PEMT: variants seen among roughly 807,000 people sequenced by gnomAD.
PEMT encodes phospholipid methyltransferase.
A neutral mutation model predicts 27.4 loss-of-function variants in PEMT; 23 were observed. The ratio of observed to expected loss-of-function variants is 0.84; its 90% CI spans 0.60 to 1.19. The LOEUF is 1.19. Among genes scored for constraint, PEMT ranks in the 50% most tolerant of loss-of-function variants. The pLI is 0.00. For synonymous variants in PEMT, 137 were observed against 139.1 expected (o/e 0.98, Z 0.11); for missense variants, 307 against 310.1 (o/e 0.99, Z 0.07).
At chr17:17,577,052 C>T in intron 1 of PEMT, 25 bp from the exon 2 acceptor site, 2 of 1,566,292 alleles carry the variant, frequency 1.3e-6, no homozygotes, top group South Asian at 2.2e-5. Context: ...CTAGCATCAG[C>T]ACCACCCAGA....
At chr17:17,586,274 A>G (rs1307288418) in intron 1 of PEMT, among the ~76,000 whole-genome samples, 2 of 115,412 alleles carry the variant, frequency 1.7e-5, no homozygotes, top group African/African-American at 8.7e-5. Flanking sequence ...GAAAGAAAGA[A>G]AGAAAGAAAG....
At chr17:17,577,612 G>T in intron 1 of PEMT, 1 of 631,908 alleles carries the variant, frequency 1.6e-6, no homozygotes, top group Non-Finnish European at 2.0e-6. Context: ...CATCTTGCAT[G>T]AAAACGTCAG....
chr17:17,519,414 A>T (rs1283514800), intron 3 of PEMT, among the ~76,000 whole-genome samples: 1 of 152,246 alleles, frequency 6.6e-6, no homozygotes, highest in Admixed American at 6.5e-5. Context: ...AGGTGAGGCC[A>T]ACGCTGATAT....
At chr17:17,530,899 C>T (rs972968265) in intron 2 of PEMT, among the ~76,000 whole-genome samples, 26 of 151,872 alleles carry the variant, frequency 1.7e-4, no homozygotes, top group Non-Finnish European at 8.8e-5. Flanking sequence ...AAAAATTGGC[C>T]GGGCGTAACG....
rs113002679 is a variant in PEMT, at chr17:17,579,383, G to A, written c.97-2356C>T. On this transcript the variant is annotated intron_variant, in intron 1 of 6. Coordinates refer to ENST00000255389, the MANE Select transcript of PEMT (RefSeq NM_148172.3). ...GGGCCAAGGGCAGGGCTAAGCAGAT[G>A]TTAAATGCTCTAGGCCGGGCGTGGT... is the stretch of plus-strand genomic sequence containing the variant. Among the ~76,000 whole-genome samples, 307 of 152,336 alleles carry A rather than the reference G, an allele frequency of 2.0e-3. 1 individual carries two copies. Among genetic ancestry groups the A allele is most frequent in the Middle Eastern group, 6.8e-3 (2 of 294 alleles).
At chr17:17,556,365 T>G (rs1273030226) in intron 2 of PEMT, among the ~76,000 whole-genome samples, 1 of 141,096 alleles carries the variant, frequency 7.1e-6, no homozygotes, top group Admixed American at 7.2e-5. Context: ...TCCTTCCTGC[T>G]CTCTCTCTCT....
At chr17:17,576,144 A>G (rs1364047517) in intron 2 of PEMT, among the ~76,000 whole-genome samples, 2 of 151,660 alleles carry the variant, frequency 1.3e-5, no homozygotes, top group Non-Finnish European at 2.9e-5. Flanking sequence ...AGCACCCCCC[A>G]GAGACAGCCT....
intron 1 of PEMT, among the ~76,000 whole-genome samples, chr17:17,578,342 C>T (rs530286844): frequency 6.6e-6 from 1 of 151,650 alleles, no homozygotes; most frequent in East Asian, 2.0e-4. Context: ...ATAGTGAGAC[C>T]CTGTCTCTAC....
intron 1 of PEMT, among the ~76,000 whole-genome samples, chr17:17,580,976 T>G (rs1911941105): frequency 6.6e-6 from 1 of 151,566 alleles, no homozygotes; most frequent in Non-Finnish European, 1.5e-5. Flanking sequence ...AAGGGCAGAG[T>G]GTGAGTCACA....
chr17:17,539,704 T>C (rs921057882), intron 2 of PEMT, among the ~76,000 whole-genome samples: 1 of 152,162 alleles, frequency 6.6e-6, no homozygotes, highest in Non-Finnish European at 1.5e-5. Flanking sequence ...GCTCACAAGG[T>C]CACTGTGCAG....
chr17:17,568,069 A>T (rs1910951045), intron 2 of PEMT, among the ~76,000 whole-genome samples: 1 of 152,068 alleles, frequency 6.6e-6, no homozygotes, highest in Non-Finnish European at 1.5e-5. Flanking sequence ...CTACACACAC[A>T]CACACATGCC....
intron 2 of PEMT, among the ~76,000 whole-genome samples, chr17:17,548,291 C>T (rs1383779497): frequency 1.3e-5 from 2 of 152,256 alleles, no homozygotes; most frequent in Non-Finnish European, 2.9e-5. Context: ...TGGGCCAAGC[C>T]GTGCTGCCCC....
intron 2 of PEMT, among the ~76,000 whole-genome samples, chr17:17,526,502 T>C (rs1907680571): frequency 6.6e-6 from 1 of 152,240 alleles, no homozygotes; most frequent in South Asian, 2.1e-4. Flanking sequence ...GAAAGGCTCC[T>C]AGCCCTGGCA....
chr17:17,524,178 G>A (rs75529714), intron 2 of PEMT, among the ~76,000 whole-genome samples: 14,761 of 152,214 alleles, frequency 0.097, 841 homozygotes, highest in East Asian at 0.18. Flanking sequence ...CTTAGGTTGC[G>A]TTAGCAGCAC....
intron 2 of PEMT, among the ~76,000 whole-genome samples, chr17:17,546,031 C>A (rs1390865383): frequency 6.6e-6 from 1 of 152,210 alleles, no homozygotes; most frequent in Non-Finnish European, 1.5e-5. Flanking sequence ...GGCTCACTCC[C>A]AGCACAGCAT....
rs566044510 is a variant in PEMT, at chr17:17,585,269, C to T, written c.96+6262G>A. Among the ~76,000 whole-genome samples the T allele has an allele frequency of 5.3e-5, 8 of 152,212 alleles. No individual in the cohort carries two copies. The South Asian group carries it at 1.7e-3, about 32-fold the overall frequency. On this transcript the variant is annotated intron_variant, in intron 1 of 6. Transcript: ENST00000255389. ...AGGAGAATCGCATGAACCTGGGAGGCGGAGGTTGCAGTGAGCTGAGGTCAT... is the reference window on the plus strand; with the variant it reads ...AGGAGAATCGCATGAACCTGGGAGGTGGAGGTTGCAGTGAGCTGAGGTCAT...
In PEMT at chr17:17,509,348, G is replaced by T. The variant is rs1001550447; in HGVS notation, c.578+86C>A. ...CGTTCTTCCTTTCTCTCTCTCCAGG[G>T]GCCCTGGCCCCCGCGTCCTGAGCTG... is the stretch of plus-strand genomic sequence containing the variant. On this transcript the variant is annotated intron_variant, in intron 5 of 6. Coordinates refer to ENST00000255389, the MANE Select transcript of PEMT (RefSeq NM_148172.3). The T allele has an allele frequency of 2.7e-4, 222 of 825,380 alleles. 1 individual carries two copies. The East Asian group carries it at 5.4e-3, about 20-fold the overall frequency. 51.1% of individuals were successfully genotyped at this position (825,380 alleles called of 1,614,324 possible).
chr17:17,588,966 T>C (rs758293872), intron 1 of PEMT, among the ~76,000 whole-genome samples: 4 of 152,236 alleles, frequency 2.6e-5, no homozygotes, highest in Non-Finnish European at 5.9e-5. Context: ...TTGGGTTGTT[T>C]GTTTTTGTTT....
intron 5 of PEMT, chr17:17,507,535 C>G: frequency 3.1e-6 from 1 of 321,978 alleles, no homozygotes; most frequent in Non-Finnish European, 5.8e-6. Flanking sequence ...CAGGCTCCAA[C>G]CCCAGGCCTG....
Sources: allele counts gnomAD v4.1 joint callset (sites outside exome capture counted in the v4.1 genomes callset), GRCh38; gene constraint gnomAD v4.1.1; transcripts MANE v1.5; gene names NCBI Gene and HGNC (gene_info 2026-07-23, HGNC 2026-07-21).